The following NEGR1 variants were observed in gnomAD, a reference collection of about 807,000 sequenced individuals.
NEGR1 encodes the protein IgLON family member 4.
Under a neutral mutation model 40.9 loss-of-function variants are expected in NEGR1, and 10 were observed. The observed-to-expected ratio is 0.24, with a 90% CI of 0.15 to 0.42. The LOEUF is 0.42. NEGR1 is among the 10% of genes least tolerant of loss of function. The probability of loss-of-function intolerance (pLI) is 1.00; values close to 1 mark genes in which losing one functional copy is unlikely to be tolerated. For synonymous variants in NEGR1, 185 were observed against 166.8 expected, an observed-to-expected ratio of 1.11 and a Z score of -0.84; for missense variants, 352 against 438.9, an observed-to-expected ratio of 0.80 and a Z score of 1.77.
chr1:71,746,772 G>GCA (rs57628799), intron 3 of NEGR1, among the ~76,000 whole-genome samples: 2,382 of 143,174 alleles, frequency 0.017, 20 homozygotes, highest in Non-Finnish European at 0.022. Context: ...ACACACACAC[G>GCA]CACACACACA....
At chr1:72,141,288 A>T (rs1401425051) in intron 1 of NEGR1, among the ~76,000 whole-genome samples, 5 of 152,006 alleles carry the variant, frequency 3.3e-5, no homozygotes, top group Admixed American at 1.3e-4. Context: ...AAAGAGGCAA[A>T]ATGTATGCAT....
intron 1 of NEGR1, among the ~76,000 whole-genome samples, chr1:72,137,073 G>A (rs11583451): frequency 0.23 from 34,249 of 151,892 alleles, 4,421 homozygotes; most frequent in Non-Finnish European, 0.29. Flanking sequence ...TTAGAATGGC[G>A]ATCATTAAAA....
intron 5 of NEGR1, among the ~76,000 whole-genome samples, chr1:71,609,143 TA>T (rs1171175668): frequency 6.6e-6 from 1 of 152,050 alleles, no homozygotes; most frequent in Admixed American, 6.6e-5. Flanking sequence ...AAAAAGAATT[TA>T]AAAATTTAAC....
At chr1:71,815,518 C>G (rs1658171604) in intron 2 of NEGR1, among the ~76,000 whole-genome samples, 1 of 151,888 alleles carries the variant, frequency 6.6e-6, no homozygotes. Flanking sequence ...TTAAAGTCTC[C>G]CACTATTGTT....
At chr1:72,246,140 T>G (rs188364012) in intron 1 of NEGR1, among the ~76,000 whole-genome samples, 39 of 152,332 alleles carry the variant, frequency 2.6e-4, no homozygotes, top group Admixed American at 6.5e-4. Context: ...GTTCATTGCC[T>G]GCTTGCAATA....
intron 5 of NEGR1, among the ~76,000 whole-genome samples, chr1:71,597,466 C>G (rs202099270): frequency 0.22 from 3,927 of 17,604 alleles, 206 homozygotes; most frequent in African/African-American, 0.24. Context: ...CTCTCTCTCT[C>G]TCTCTCTGTG....
At chr1:72,175,404 A>T (rs568376526) in intron 1 of NEGR1, among the ~76,000 whole-genome samples, 1 of 152,218 alleles carries the variant, frequency 6.6e-6, no homozygotes, top group Admixed American at 6.5e-5. Flanking sequence ...TGTTCTATCA[A>T]TCCTGATTTT....
At chr1:71,723,670 G>C (rs182063905) in intron 3 of NEGR1, among the ~76,000 whole-genome samples, 1 of 152,104 alleles carries the variant, frequency 6.6e-6, no homozygotes, top group Admixed American at 6.6e-5. Context: ...CACTTGTATC[G>C]TTTATAATAA....
chr1:71,957,545 T>A (rs1372023175), intron 1 of NEGR1, among the ~76,000 whole-genome samples: 1 of 152,182 alleles, frequency 6.6e-6, no homozygotes, highest in Non-Finnish European at 1.5e-5. Context: ...GGAAAATGCC[T>A]ATATTTCTGC....
At chr1:71,984,827 A>G (rs142473386) in intron 1 of NEGR1, among the ~76,000 whole-genome samples, 346 of 152,246 alleles carry the variant, frequency 2.3e-3, no homozygotes, top group African/African-American at 7.9e-3. Context: ...GTCTTTACTT[A>G]TTTTTAGCTG....
At chr1:72,169,396 A>G (rs1651883797) in intron 1 of NEGR1, among the ~76,000 whole-genome samples, 1 of 152,196 alleles carries the variant, frequency 6.6e-6, no homozygotes, top group Non-Finnish European at 1.5e-5. Flanking sequence ...TTATTACACT[A>G]TATATTAATT....
intron 6 of NEGR1, among the ~76,000 whole-genome samples, chr1:71,498,276 G>A (rs572319944): frequency 6.6e-6 from 1 of 151,536 alleles, no homozygotes; most frequent in East Asian, 1.9e-4. Flanking sequence ...ACTTCCTTCT[G>A]GTGTAGTAAG....
At chr1:72,220,025 T>C (rs1653957596) in intron 1 of NEGR1, among the ~76,000 whole-genome samples, 1 of 152,052 alleles carries the variant, frequency 6.6e-6, no homozygotes, top group South Asian at 2.1e-4. Context: ...ATCCCTGTTG[T>C]GCACATAGAT....
chr1:72,264,611 T>C (rs1655577642), intron 1 of NEGR1, among the ~76,000 whole-genome samples: 2 of 150,776 alleles, frequency 1.3e-5, no homozygotes, highest in African/African-American at 4.8e-5. Flanking sequence ...CTATTATTTG[T>C]TATCCAAATT....
At chr1:71,914,478 A>T (rs1004068970) in intron 2 of NEGR1, among the ~76,000 whole-genome samples, 3 of 152,176 alleles carry the variant, frequency 2.0e-5, no homozygotes, top group African/African-American at 7.2e-5. Flanking sequence ...GATACTTTAA[A>T]TTATTTCCAT....
intron 6 of NEGR1, among the ~76,000 whole-genome samples, chr1:71,555,971 T>G (rs3120033): frequency 1 from 150,757 of 151,382 alleles, 75,066 homozygotes; most frequent in Middle Eastern, 1. Flanking sequence ...TTTAGTAAAA[T>G]GTATTTTCTA....
intron 1 of NEGR1, among the ~76,000 whole-genome samples, chr1:72,019,711 C>T (rs977693246): frequency 6.6e-6 from 1 of 152,170 alleles, no homozygotes; most frequent in Admixed American, 6.5e-5. Flanking sequence ...ATTTGCCATA[C>T]AATATCACAT....
intron 1 of NEGR1, among the ~76,000 whole-genome samples, chr1:72,169,928 G>C (rs1194377724): frequency 1.3e-5 from 2 of 152,094 alleles, no homozygotes; most frequent in Non-Finnish European, 2.9e-5. Context: ...CCACCATATT[G>C]AAAGAAATAA....
rs997918344 is a variant in NEGR1 at position 71,401,957 on chromosome 1, T to C, written c.*5489A>G. 1 of 152,114 alleles carries C rather than the reference T, an allele frequency of 6.6e-6. No individual in the cohort carries two copies. Among genetic ancestry groups the C allele is most frequent in the African/African-American group, 2.4e-5 (1 of 41,438 alleles). The allele number at this position is 152,114 out of a possible 1,614,324, so 9.4% of individuals were successfully genotyped here. A position where few individuals can be genotyped will look rare whatever the true frequency, so the allele number is the denominator to read the frequency against. ...TTAAATCTCATACCCTCTGCAGGTA[T>C]TGGAAAATACAAGGATGTCATAAAT... On this transcript the variant is annotated 3_prime_UTR_variant, in exon 7 of 7. Coordinates refer to ENST00000357731, the MANE Select transcript of NEGR1 (RefSeq NM_173808.3).
Sources: gnomAD v4.1 joint callset for allele counts (sites outside exome capture counted in the v4.1 genomes callset) on GRCh38, gnomAD v4.1.1 for gene constraint, MANE v1.5 for transcripts, NCBI Gene and HGNC (gene_info 2026-07-23, HGNC 2026-07-21) for gene names.